Variants in VOPP1 observed in about 807,000 individuals in gnomAD.
VOPP1 encodes the protein VOPP1 WW domain binding protein, also known as WW domain binding protein VOPP1.
Under a neutral mutation model 23.5 loss-of-function variants are expected in VOPP1, and 8 were observed. The observed-to-expected ratio is 0.34, with a 90% confidence interval of 0.20 to 0.61. The LOEUF (loss-of-function observed/expected upper bound fraction) is 0.61. Among genes scored for constraint, VOPP1 ranks in the 20% least tolerant of loss-of-function variants. The pLI, the probability that VOPP1 is intolerant of heterozygous loss-of-function variation, is 0.78. For synonymous variants in VOPP1, 83 were observed against 97.3 expected, an observed-to-expected ratio of 0.85 and a Z score of 0.86; for missense variants, 174 against 238.1, an observed-to-expected ratio of 0.73 and a Z score of 1.77.
At position 55,472,745 on chromosome 7, in the gene VOPP1, G is replaced by A; in HGVS notation, c.*110C>T. 1.9e-6 allele frequency: 1 copy of A among 521,388 alleles called. No homozygotes were observed. The highest frequency in any genetic ancestry group is 4.8e-5 in the Admixed American group (1 of 20,820). The allele number at this position is 521,388 out of a possible 1,614,324, so 32.3% of individuals were successfully genotyped here. ...TGTGCTTGCTGTGAGGATATCAGAG[G>A]AACTGCCCTTAGCAGCCCACGAGAC... On this transcript the variant is annotated 3_prime_UTR_variant, in exon 5 of 5. Coordinates refer to ENST00000285279, the MANE Select transcript of VOPP1 (RefSeq NM_030796.5).
At chr7:55,555,693 A>G (rs1797778277) in intron 1 of VOPP1, among the ~76,000 whole-genome samples, 2 of 152,188 alleles carry the variant, frequency 1.3e-5, no homozygotes, top group Non-Finnish European at 2.9e-5. Context: ...ATTATTATTG[A>G]AAACGGTAGT....
intron 1 of VOPP1, among the ~76,000 whole-genome samples, chr7:55,543,657 C>T (rs1309910489): frequency 2.0e-5 from 3 of 150,778 alleles, no homozygotes; most frequent in Admixed American, 6.6e-5. Context: ...TAATGATTAG[C>T]GGTGTTGAGT....
intron 1 of VOPP1, among the ~76,000 whole-genome samples, chr7:55,542,154 T>TA (rs1438180499): frequency 1.3e-5 from 2 of 152,222 alleles, no homozygotes; most frequent in African/African-American, 4.8e-5. Flanking sequence ...TAGTTGTACA[T>TA]ATTTATGGGC....
chr7:55,519,861 C>T (rs1795725230), intron 2 of VOPP1, among the ~76,000 whole-genome samples: 1 of 152,212 alleles, frequency 6.6e-6, no homozygotes, highest in African/African-American at 2.4e-5. Context: ...GGCGAGGTGA[C>T]TCACGCCTCT....
At position 55,472,771 on chromosome 7, in the gene VOPP1, C is replaced by T. The variant is rs1791916546; in HGVS notation, c.*84G>A. Reference sequence around the variant, plus strand: ...AACTGCCCTTAGCAGCCCACGAGACCGTTCCTGGAAGTGAACATCAACGAA... The same window carrying T: ...AACTGCCCTTAGCAGCCCACGAGACTGTTCCTGGAAGTGAACATCAACGAA... On this transcript the variant is annotated 3_prime_UTR_variant, in exon 5 of 5. Coordinates refer to ENST00000285279, the MANE Select transcript of VOPP1 (RefSeq NM_030796.5). The T allele has an allele frequency of 4.5e-6, 3 of 663,532 alleles. No homozygotes were observed. The highest frequency in any genetic ancestry group is 6.9e-6 in the Non-Finnish European group (3 of 436,758). The allele number at this position is 663,532 out of a possible 1,614,324, so 41.1% of individuals were successfully genotyped here. A position where few individuals can be genotyped will look rare whatever the true frequency, so the allele number is the denominator to read the frequency against.
intron 4 of VOPP1, among the ~76,000 whole-genome samples, chr7:55,443,897 C>T (rs569574773): frequency 6.6e-6 from 1 of 152,284 alleles, no homozygotes; most frequent in Non-Finnish European, 1.5e-5. Context: ...CCCGCCTCAG[C>T]CTCCCAAAGT....
chr7:55,538,518 G>A (rs1796941404), intron 1 of VOPP1: 1 of 1,171,192 alleles, frequency 8.5e-7, no homozygotes, highest in Non-Finnish European at 1.2e-6. Flanking sequence ...ACAACCCTAT[G>A]GTCCAAAGAC....
At chr7:55,484,238 T>C (rs966877071) in intron 4 of VOPP1, among the ~76,000 whole-genome samples, 5 of 152,236 alleles carry the variant, frequency 3.3e-5, no homozygotes, top group African/African-American at 1.2e-4. Flanking sequence ...TGGTTTAGAA[T>C]GTGGACATGT....
chr7:55,559,192 G>C (rs1009528746), intron 1 of VOPP1, among the ~76,000 whole-genome samples: 2 of 151,982 alleles, frequency 1.3e-5, no homozygotes, highest in African/African-American at 4.8e-5. Context: ...AGATAAACAG[G>C]GTGGAGTTTA....
intron 2 of VOPP1, among the ~76,000 whole-genome samples, chr7:55,504,209 C>A (rs933119234): frequency 1.4e-4 from 22 of 152,206 alleles, no homozygotes; most frequent in Admixed American, 9.8e-4. Context: ...CTCAATCACA[C>A]TGCCCCTGCC....
At chr7:55,558,789 G>T (rs764459864) in intron 1 of VOPP1, among the ~76,000 whole-genome samples, 6 of 152,118 alleles carry the variant, frequency 3.9e-5, no homozygotes, top group Non-Finnish European at 8.8e-5. Context: ...ATGGCTACAG[G>T]GTGAACACCA....
chr7:55,443,656 TTTTTTGAGACGGAG>T (rs1284652065), intron 4 of VOPP1, among the ~76,000 whole-genome samples: 2 of 151,150 alleles, frequency 1.3e-5, no homozygotes, highest in Admixed American at 6.6e-5. Flanking sequence ...TTTTTTTTTT[TTTTTTGAGACGGAG>T]TTTTGCTCTT....
At chr7:55,496,184 G>A (rs533342323) in intron 3 of VOPP1, among the ~76,000 whole-genome samples, 7 of 152,144 alleles carry the variant, frequency 4.6e-5, no homozygotes, top group Non-Finnish European at 1.0e-4. Flanking sequence ...GCATTCTCAC[G>A]CCCTCATCAT....
Position 55,554,661 on chromosome 7 carries a change from A to G in VOPP1, c.54+17610T>C, listed in dbSNP as rs139948998. On this transcript the variant is annotated intron_variant, in intron 1 of 4. Coordinates refer to ENST00000285279, the MANE Select transcript of VOPP1 (RefSeq NM_030796.5). ...AGTGCCATGGACTGACACAGAACCA[A>G]TGGGCGGAGCTTTGGGGAAAGGGTG... Among the ~76,000 whole-genome samples the G allele has an allele frequency of 2.1e-3, 325 of 152,292 alleles. 2 individuals carry two copies. The highest frequency in any genetic ancestry group is 7.6e-3 in the African/African-American group (315 of 41,570).
intron 4 of VOPP1, among the ~76,000 whole-genome samples, chr7:55,450,583 G>C (rs1004741636): frequency 5.9e-5 from 9 of 152,194 alleles, no homozygotes; most frequent in African/African-American, 2.2e-4. Context: ...GATATATTAG[G>C]CTGAATATCA....
At chr7:55,539,040 A>G (rs796596686) in intron 1 of VOPP1, among the ~76,000 whole-genome samples, 250 of 47,746 alleles carry the variant, frequency 5.2e-3, no homozygotes, top group African/African-American at 9.1e-3. Flanking sequence ...TTAAAAAAAA[A>G]GGGGGGGGGG....
At chr7:55,501,281 G>T (rs1260424490) in intron 2 of VOPP1, among the ~76,000 whole-genome samples, 1 of 152,258 alleles carries the variant, frequency 6.6e-6, no homozygotes, top group African/African-American at 2.4e-5. Context: ...TGTAGTGAAT[G>T]GCGGATGCCC....
chr7:55,523,537 G>GCCCTGACT (rs1487259701), intron 1 of VOPP1, among the ~76,000 whole-genome samples: 2 of 152,156 alleles, frequency 1.3e-5, no homozygotes, highest in Admixed American at 1.3e-4. Context: ...GAAACTGCCT[G>GCCCTGACT]CCCTGACTCT....
chr7:55,555,501 G>A (rs1295649055), intron 1 of VOPP1, among the ~76,000 whole-genome samples: 1 of 152,186 alleles, frequency 6.6e-6, no homozygotes, highest in Non-Finnish European at 1.5e-5. Flanking sequence ...CTACCATGAG[G>A]GACACAGTGG....
Sources: allele counts gnomAD v4.1 joint callset (sites outside exome capture counted in the v4.1 genomes callset), GRCh38; gene constraint gnomAD v4.1.1; transcripts MANE v1.5; gene names NCBI Gene and HGNC (gene_info 2026-07-23, HGNC 2026-07-21).